Variants in SCYL3 observed in about 807,000 individuals in gnomAD.
SCYL3 encodes the protein protein-associating with the carboxyl-terminal domain of ezrin.
SCYL3 carries 35 observed loss-of-function variants against 73.8 expected under a neutral mutation model. The ratio of observed to expected loss-of-function variants is 0.47; its 90% CI spans 0.36 to 0.63. SCYL3 has a LOEUF of 0.63. Ranked by LOEUF, SCYL3 falls within the 20% of genes least tolerant of loss-of-function variation. The pLI, the probability that SCYL3 is intolerant of heterozygous loss-of-function variation, is 0.00. For synonymous variants in SCYL3, 277 were observed against 295.2 expected (o/e 0.94, Z 0.63); for missense variants, 712 against 798.9 (o/e 0.89, Z 1.31).
Position 169,866,949 on chromosome 1 carries a change from A to G in SCYL3, c.762T>C (p.Asn254=). 3 of 1,591,156 alleles carry G rather than the reference A, an allele frequency of 1.9e-6. No homozygotes were observed. The highest frequency in any genetic ancestry group is 2.2e-5 in the East Asian group (1 of 44,644). The change falls in exon 8 of 13, where the codon AAT becomes AAC. Residue 254 remains asparagine (N), a synonymous_variant. Transcript: ENST00000367771. ...TCTTCAATGTTAAACTTTTCAAGAA[A>G]TTCACAACTTCCAGAAAATCATTTC... ...FFRNDFLEVV[N]FLKSLTLKSE...
At chr1:169,880,840 C>T (rs1558140334) in intron 2 of SCYL3, among the ~76,000 whole-genome samples, 2 of 150,652 alleles carry the variant, frequency 1.3e-5, no homozygotes, top group Non-Finnish European at 2.9e-5. Flanking sequence ...CAGCTGACTG[C>T]AACCTCCGCC....
At chr1:169,885,144 G>C (rs1661586965) in intron 2 of SCYL3, among the ~76,000 whole-genome samples, 2 of 152,154 alleles carry the variant, frequency 1.3e-5, no homozygotes. Context: ...TACTGTCCTA[G>C]GTGATGGTCT....
At chr1:169,891,665 G>A (rs966519830) in intron 1 of SCYL3, among the ~76,000 whole-genome samples, 7 of 152,172 alleles carry the variant, frequency 4.6e-5, no homozygotes, top group South Asian at 2.1e-4. Context: ...TATCTTCTTC[G>A]CAGGAAATCA....
chr1:169,853,777 A>G lies in SCYL3; in HGVS notation c.2008-5T>C. ...TTCCCAGCCTTCAGCCTCTCCCTGC[A>G]ACAAAATAAAGCACACCAAGAACCC... On this transcript the variant is annotated splice_region_variant and splice_polypyrimidine_tract_variant and intron_variant, in intron 12 of 12. Transcript: ENST00000367771. The G allele has an allele frequency of 6.2e-7, 1 of 1,613,886 alleles. No homozygotes were observed. Among genetic ancestry groups the G allele is most frequent in the Non-Finnish European group, 8.5e-7 (1 of 1,179,892 alleles).
In SCYL3 at chr1:169,854,488, A is replaced by G; in HGVS notation, c.1789T>C (p.Ser597Pro). ...AATTCCTCTCCTAAACCAAGTTCTG[A>G]TGGAACCTTAAGGGGCCTTTCTTGT... ...SSQERPLKVP[S>P]ELGLGEEFTI... The change falls in exon 12 of 13, where the codon TCA becomes CCA. Residue 597 changes from serine (S) to proline (P), a missense_variant. Coordinates refer to ENST00000367771, the MANE Select transcript of SCYL3 (RefSeq NM_020423.7). 3 of 1,614,038 alleles carry G rather than the reference A, an allele frequency of 1.9e-6. No individual in the cohort carries two copies. Among genetic ancestry groups the G allele is most frequent in the Non-Finnish European group, 2.5e-6 (3 of 1,179,980 alleles).
intron 1 of SCYL3, 70 bp from the exon 2 acceptor site, chr1:169,888,960 C>T: frequency 1.2e-6 from 1 of 814,564 alleles, no homozygotes; most frequent in Non-Finnish European, 1.8e-6. Flanking sequence ...GATATCCAGA[C>T]ATAGCCACCC....
chr1:169,853,899 TAAAA>T, intron 12 of SCYL3, 127 bp from the exon 13 acceptor site: 7 of 999,750 alleles, frequency 7.0e-6, no homozygotes, highest in Non-Finnish European at 1.1e-5. Flanking sequence ...TCGTACTAAG[TAAAA>T]TAACTTAGAG....
In SCYL3 at chr1:169,852,802, A is replaced by G. The variant is rs1421608647; in HGVS notation, c.*911T>C. ...GTTTTTTTTCCAGCCTTATGCAAAA[A>G]GAGCTCGTCAGGAGTTCCCCTGGGA... On this transcript the variant is annotated 3_prime_UTR_variant, in exon 13 of 13. Coordinates refer to ENST00000367771, the MANE Select transcript of SCYL3 (RefSeq NM_020423.7). The G allele has an allele frequency of 6.2e-7, 1 of 1,613,964 alleles. No homozygotes were observed. The highest frequency in any genetic ancestry group is 8.5e-7 in the Non-Finnish European group (1 of 1,179,920).
chr1:169,851,973 A>C lies in SCYL3; in HGVS notation c.*1740T>G. ...TTTCAATAGGGGCCAAACTTTAACA[A>C]GGCAAATTCTGCCCTTTTTACTTAC... On this transcript the variant is annotated 3_prime_UTR_variant, in exon 13 of 13. Transcript: ENST00000367771. 1 of 1,613,778 alleles carries C rather than the reference A, an allele frequency of 6.2e-7. No individual in the cohort carries two copies.
chr1:169,866,220 T>C (rs1209083159), intron 8 of SCYL3, among the ~76,000 whole-genome samples: 2 of 152,246 alleles, frequency 1.3e-5, no homozygotes, highest in African/African-American at 4.8e-5. Context: ...AGCTTTATCT[T>C]TTTAAATGTT....
At chr1:169,874,876 G>A (rs1409851360) in intron 4 of SCYL3, among the ~76,000 whole-genome samples, 4 of 152,106 alleles carry the variant, frequency 2.6e-5, no homozygotes, top group South Asian at 2.1e-4. Context: ...GCAGTAAGCC[G>A]AGATCGCACC....
intron 4 of SCYL3, among the ~76,000 whole-genome samples, chr1:169,874,953 G>C (rs944166208): frequency 6.6e-6 from 1 of 152,098 alleles, no homozygotes; most frequent in Non-Finnish European, 1.5e-5. Context: ...AAACCTAAAT[G>C]GTAAATGAGG....
intron 1 of SCYL3, among the ~76,000 whole-genome samples, chr1:169,893,286 G>A (rs778703211): frequency 1.3e-5 from 2 of 152,134 alleles, no homozygotes; most frequent in Non-Finnish European, 2.9e-5. Flanking sequence ...CTTGGGGGAC[G>A]GGCACTGGTC....
rs1200888429 is a variant in SCYL3, at chr1:169,882,903, C to T, written c.166-4084G>A. On this transcript the variant is annotated intron_variant, in intron 2 of 12. Transcript: ENST00000367771. Reference sequence around the variant, plus strand: ...CCAGTCAGCAGGATGTGGGTCGGGCCGGATAAGAGAATAAAAGCAGGCTGC... The same window carrying T: ...CCAGTCAGCAGGATGTGGGTCGGGCTGGATAAGAGAATAAAAGCAGGCTGC... Among the ~76,000 whole-genome samples the T allele has an allele frequency of 3.9e-5, 6 of 152,120 alleles. No homozygotes were observed. In the East Asian group the frequency reaches 7.7e-4, roughly 20 times the overall value.
rs768787209 is a variant in SCYL3, at chr1:169,853,724, T to C, written c.2056A>G (p.Asn686Asp). 1 of 1,613,788 alleles carries C rather than the reference T, an allele frequency of 6.2e-7. No homozygotes were observed. Residue 686 changes from asparagine (N) to aspartate (D), a missense_variant, in exon 13 of 13, where the codon AAT becomes GAT. Asn to Asp is a conservative substitution (Grantham distance 23). Around this residue, in one of 2 missense-constraint regions of SCYL3, gnomAD observed 370 missense variants for 350.8 expected, o/e 1.05. Coordinates refer to ENST00000367771, the MANE Select transcript of SCYL3 (RefSeq NM_020423.7). Reference sequence around the variant, plus strand: ...ACTCACATCTATTGTCACCAGTTATTATCTTCCCAGTTCAGCTCCCCTTCT... The same window carrying C: ...ACTCACATCTATTGTCACCAGTTATCATCTTCCCAGTTCAGCTCCCCTTCT... ...EEEGELNWED[N>D]NW
In SCYL3 at chr1:169,854,714, G is replaced by T. The variant is rs780218486; in HGVS notation, c.1563C>A (p.Pro521=). The change falls in exon 12 of 13, where the codon CCC becomes CCA. Residue 521 remains proline (P), a synonymous_variant. Coordinates refer to ENST00000367771, the MANE Select transcript of SCYL3 (RefSeq NM_020423.7). Reference sequence around the variant, plus strand: ...GGTTTACTTTAGTATCTAAGCTGCTGGGCTCGCAGTCATCCCAAGATGACT... The same window carrying T: ...GGTTTACTTTAGTATCTAAGCTGCTTGGCTCGCAGTCATCCCAAGATGACT... ...VEESSWDDCE[P]SSLDTKVNPG... The T allele has an allele frequency of 1.2e-6, 2 of 1,613,992 alleles. No homozygotes were observed. The highest frequency in any genetic ancestry group is 1.7e-6 in the Non-Finnish European group (2 of 1,179,916).
At chr1:169,887,410 TA>T (rs1336271985) in intron 2 of SCYL3, among the ~76,000 whole-genome samples, 2 of 152,020 alleles carry the variant, frequency 1.3e-5, no homozygotes, top group Admixed American at 1.3e-4. Flanking sequence ...AACACAATTT[TA>T]AAAAAATCTT....
Position 169,854,702 on chromosome 1 carries a change from A to G in SCYL3, c.1575T>C (p.Asp525=). The G allele has an allele frequency of 6.2e-7, 1 of 1,614,052 alleles. No homozygotes were observed. Among genetic ancestry groups the G allele is most frequent in the Non-Finnish European group, 8.5e-7 (1 of 1,179,944 alleles). The stretch of plus-strand genomic sequence containing the variant: ...TTCCACCTCCTGGGTTTACTTTAGT[A>G]TCTAAGCTGCTGGGCTCGCAGTCAT... The part of the protein sequence containing the change: ...SWDDCEPSSL[D]TKVNPGGGIT... Residue 525 remains aspartate (D), a synonymous_variant, in exon 12 of 13, where the codon GAT becomes GAC. Transcript: ENST00000367771.
intron 9 of SCYL3, among the ~76,000 whole-genome samples, chr1:169,863,191 G>A (rs776716168): frequency 3.3e-5 from 5 of 152,148 alleles, no homozygotes; most frequent in South Asian, 2.1e-4. Context: ...GATTACAGGC[G>A]TGAGCCACCG....
Sources: allele counts gnomAD v4.1 joint callset (sites outside exome capture counted in the v4.1 genomes callset), GRCh38; gene constraint gnomAD v4.1.1; regional missense constraint gnomAD v4.1.1; transcripts MANE v1.5; gene names NCBI Gene and HGNC (gene_info 2026-07-23, HGNC 2026-07-21).